The following KIFAP3 variants were observed in gnomAD, a reference collection of about 807,000 sequenced individuals.
KIFAP3 encodes kinesin associated protein 3, also known as kinesin-associated protein 3.
Under a neutral mutation model 106.5 loss-of-function variants are expected in KIFAP3, and 68 were observed. The observed-to-expected ratio is 0.64, with a 90% CI of 0.53 to 0.78. The LOEUF (loss-of-function observed/expected upper bound fraction) is 0.78. Ranked by LOEUF, KIFAP3 falls within the 30% of genes least tolerant of loss-of-function variation. KIFAP3 has a pLI of 0.00. For missense variants in KIFAP3, 780 were observed against 941.8 expected (o/e 0.83, Z 2.25); for synonymous variants, 320 against 311.5 (o/e 1.03, Z -0.29).
intron 2 of KIFAP3, among the ~76,000 whole-genome samples, chr1:170,053,786 C>T (rs56214115): frequency 0.1 from 15,900 of 152,084 alleles, 983 homozygotes; most frequent in Admixed American, 0.18. Context: ...AACTGGTTAG[C>T]CATTTGTAGA....
chr1:170,047,482 G>T (rs960541026), intron 2 of KIFAP3, among the ~76,000 whole-genome samples: 1 of 151,862 alleles, frequency 6.6e-6, no homozygotes, highest in Non-Finnish European at 1.5e-5. Flanking sequence ...TTTGCCAGGT[G>T]TGGTGGTGCG....
In KIFAP3 at chr1:170,012,601, T is replaced by C. The variant is rs1039746755; in HGVS notation, c.1183+3861A>G. ...TGTCTATGTTCCCCCAAAATTCTTA[T>C]GTTGAAACATAATCTTGAATGTGAT... is the stretch of plus-strand genomic sequence containing the variant. On this transcript the variant is annotated intron_variant, in intron 10 of 19. Coordinates refer to ENST00000361580, the MANE Select transcript of KIFAP3 (RefSeq NM_014970.4). Among the ~76,000 whole-genome samples the C allele has an allele frequency of 1.1e-4, 16 of 152,150 alleles. 1 individual carries two copies. Among genetic ancestry groups the C allele is most frequent in the Admixed American group, 6.6e-4 (10 of 15,246 alleles).
intron 10 of KIFAP3, among the ~76,000 whole-genome samples, chr1:170,004,237 C>T (rs927690529): frequency 7.9e-5 from 12 of 152,152 alleles, no homozygotes; most frequent in African/African-American, 2.9e-4. Context: ...ACATTCCATG[C>T]TCATGGGTAG....
At chr1:169,983,627 TC>T (rs932281632) in intron 12 of KIFAP3, among the ~76,000 whole-genome samples, 3 of 151,928 alleles carry the variant, frequency 2.0e-5, no homozygotes, top group African/African-American at 4.8e-5. Flanking sequence ...TCACTTTTCC[TC>T]TTCCCTGTCT....
chr1:170,061,660 T>A (rs949808413), intron 1 of KIFAP3, among the ~76,000 whole-genome samples: 1 of 152,202 alleles, frequency 6.6e-6, no homozygotes, highest in African/African-American at 2.4e-5. Flanking sequence ...ATCCCATTAC[T>A]GGGTATATAC....
At chr1:170,076,130 G>A (rs1057349012), upstream of KIFAP3, among the ~76,000 whole-genome samples, 2 of 151,990 alleles carry the variant, frequency 1.3e-5, no homozygotes, top group Non-Finnish European at 2.9e-5. Context: ...AACTTATTTC[G>A]TTCACTTTTG....
At chr1:169,982,671 A>T (rs765997571) in intron 14 of KIFAP3, 31 bp downstream of exon 14, 1 of 1,431,136 alleles carries the variant, frequency 7.0e-7, no homozygotes, top group Non-Finnish European at 9.5e-7. Flanking sequence ...TAACTTAGTG[A>T]TTATACAAAA....
chr1:169,956,631 T>TA (rs1665027818), intron 18 of KIFAP3, among the ~76,000 whole-genome samples: 1 of 139,410 alleles, frequency 7.2e-6, no homozygotes, highest in Non-Finnish European at 1.6e-5. Flanking sequence ...TTTTTTTTTT[T>TA]AGACACAGGG....
At chr1:169,921,918 T>C (rs1039607687) in intron 19 of KIFAP3, 137 bp from the exon 20 acceptor site, 1 of 611,032 alleles carries the variant, frequency 1.6e-6, no homozygotes, top group Non-Finnish European at 2.8e-6. Context: ...TCATTAACTT[T>C]TTTTTTTAAG....
intron 1 of KIFAP3, among the ~76,000 whole-genome samples, chr1:170,073,899 G>A (rs1001821672): frequency 7.9e-5 from 12 of 152,106 alleles, no homozygotes; most frequent in African/African-American, 1.2e-4. Context: ...GTATACATGG[G>A]AGTCAAATGG....
intron 10 of KIFAP3, among the ~76,000 whole-genome samples, chr1:170,008,523 T>C (rs1423025578): frequency 7.2e-5 from 11 of 151,906 alleles, no homozygotes; most frequent in Non-Finnish European, 1.6e-4. Context: ...GAAAAAAAGC[T>C]CATCATCACT....
chr1:170,079,499 T>C (rs1243754941), upstream of KIFAP3, among the ~76,000 whole-genome samples: 1 of 150,950 alleles, frequency 6.6e-6, no homozygotes, highest in African/African-American at 2.4e-5. Context: ...AGAAAATTAA[T>C]ATAATGGAAT....
rs748606150 is a variant in KIFAP3, at chr1:169,983,362, T to C, written c.1414A>G (p.Met472Val). Residue 472 changes from methionine to valine, a missense_variant, in exon 13 of 20, where the codon ATG becomes GTG. Coordinates refer to ENST00000361580, the MANE Select transcript of KIFAP3 (RefSeq NM_014970.4). ...TCCTTAAACTTCAGAGCCCTCTTCA[T>C]GAGCATCTTCAGCCCATTTCCTGAA... ...ICEGNGLKMLMKRALKFKDPL... is the reference protein window; with the variant it reads ...ICEGNGLKMLVKRALKFKDPL... 3 of 1,608,288 alleles carry C rather than the reference T, an allele frequency of 1.9e-6. No homozygotes were observed. Among genetic ancestry groups the C allele is most frequent in the Non-Finnish European group, 2.5e-6 (3 of 1,176,720 alleles).
At chr1:170,054,486 T>G (rs1670740113) in intron 2 of KIFAP3, among the ~76,000 whole-genome samples, 1 of 152,224 alleles carries the variant, frequency 6.6e-6, no homozygotes, top group South Asian at 2.1e-4. Flanking sequence ...TATAAATCAT[T>G]CTACTATAAA....
intron 2 of KIFAP3, among the ~76,000 whole-genome samples, chr1:170,051,554 C>T (rs1229056018): frequency 1.3e-5 from 2 of 152,194 alleles, no homozygotes; most frequent in African/African-American, 2.4e-5. Flanking sequence ...TTTCTAAGTG[C>T]CACATGGCAC....
intron 11 of KIFAP3, chr1:169,990,116 C>G (rs1464329818): frequency 1.4e-6 from 2 of 1,479,920 alleles, no homozygotes; most frequent in African/African-American, 2.9e-5. Flanking sequence ...GAGCGATTTA[C>G]TCTTCTCCAA....
rs948307339 is a variant in KIFAP3, at chr1:169,995,269, A to C, written c.1184-3014T>G. ...GTTAAACATGAAAAATTCCAACTTTATTCCCCAAGAAGGTAGGAATCCCTT... is the reference window on the plus strand; with the variant it reads ...GTTAAACATGAAAAATTCCAACTTTCTTCCCCAAGAAGGTAGGAATCCCTT... On this transcript the variant is annotated intron_variant, in intron 10 of 19. Transcript: ENST00000361580. Among the ~76,000 whole-genome samples, 36 of 152,084 alleles carry C rather than the reference A, an allele frequency of 2.4e-4. 1 individual carries two copies. The highest frequency in any genetic ancestry group is 1.5e-5 in the Non-Finnish European group (1 of 67,940).
At chr1:169,981,901 ATT>A in intron 15 of KIFAP3, 69 bp downstream of exon 15, 1 of 1,262,600 alleles carries the variant, frequency 7.9e-7, no homozygotes, top group Non-Finnish European at 1.1e-6. Flanking sequence ...CAGACTCTGC[ATT>A]TTATATTTAA....
At chr1:169,951,750 A>G (rs913669416) in intron 19 of KIFAP3, among the ~76,000 whole-genome samples, 1 of 151,960 alleles carries the variant, frequency 6.6e-6, no homozygotes, top group Non-Finnish European at 1.5e-5. Context: ...AAATTTAAAA[A>G]AAGCAAGTCT....
Sources: allele counts gnomAD v4.1 joint callset (sites outside exome capture counted in the v4.1 genomes callset), GRCh38; gene constraint gnomAD v4.1.1; transcripts MANE v1.5; gene names NCBI Gene and HGNC (gene_info 2026-07-23, HGNC 2026-07-21).